The following NXPH1 variants were observed in gnomAD, a reference collection of about 807,000 sequenced individuals.
The protein encoded by NXPH1 is neurexophilin 1, also known as neurexophilin-1.
A neutral mutation model predicts 23.7 loss-of-function variants in NXPH1; 5 were observed. The observed-to-expected ratio is 0.21, with a 90% CI of 0.11 to 0.44. The LOEUF is 0.44. Among genes scored for constraint, NXPH1 ranks in the 20% least tolerant of loss-of-function variants. NXPH1 has a pLI of 0.99. For synonymous variants in NXPH1, 144 were observed against 122.2 expected, an observed-to-expected ratio of 1.18 and a Z score of -1.18; for missense variants, 324 against 321.6, an observed-to-expected ratio of 1.01 and a Z score of -0.06.
intron 2 of NXPH1, among the ~76,000 whole-genome samples, chr7:8,691,244 G>A (rs909099075): frequency 3.3e-5 from 5 of 152,072 alleles, no homozygotes; most frequent in African/African-American, 9.7e-5. Flanking sequence ...CACCTCCTGG[G>A]TTCAAGCAAT....
intron 2 of NXPH1, among the ~76,000 whole-genome samples, chr7:8,520,930 G>C (rs11971973): frequency 1.7e-3 from 258 of 152,258 alleles, no homozygotes; most frequent in African/African-American, 6.1e-3. Context: ...GCAGTTGATT[G>C]AGACAGCCAC....
intron 2 of NXPH1, among the ~76,000 whole-genome samples, chr7:8,436,064 G>C (rs1275611479): frequency 6.6e-6 from 1 of 152,142 alleles, no homozygotes; most frequent in Non-Finnish European, 1.5e-5. Flanking sequence ...TGTGATAGAG[G>C]GCCAACGAGA....
intron 2 of NXPH1, among the ~76,000 whole-genome samples, chr7:8,599,538 C>A (rs74359386): frequency 0.016 from 2,372 of 152,196 alleles, 32 homozygotes; most frequent in Non-Finnish European, 0.026. Flanking sequence ...CATTTCATGT[C>A]TTTCTGCATT....
intron 2 of NXPH1, among the ~76,000 whole-genome samples, chr7:8,516,147 C>A (rs908645417): frequency 1.3e-5 from 2 of 152,078 alleles, no homozygotes; most frequent in Non-Finnish European, 2.9e-5. Context: ...TTATCAAGAC[C>A]ATTTTTTGAT....
At chr7:8,437,479 C>T (rs961906690) in intron 2 of NXPH1, among the ~76,000 whole-genome samples, 1 of 152,200 alleles carries the variant, frequency 6.6e-6, no homozygotes, top group African/African-American at 2.4e-5. Context: ...TACGCCTGAC[C>T]TGAACTTGAG....
intron 2 of NXPH1, among the ~76,000 whole-genome samples, chr7:8,713,012 T>C (rs141194757): frequency 2.3e-3 from 348 of 152,150 alleles, no homozygotes; most frequent in African/African-American, 8.1e-3. Flanking sequence ...TTTACCCCCC[T>C]CTCTCTCTAC....
chr7:8,453,140 A>T (rs1274235616), intron 2 of NXPH1, among the ~76,000 whole-genome samples: 1 of 152,114 alleles, frequency 6.6e-6, no homozygotes. Flanking sequence ...TTTTTTACAG[A>T]AGTAGAAGGA....
At chr7:8,536,609 T>TA (rs5882170) in intron 2 of NXPH1, among the ~76,000 whole-genome samples, 73,635 of 151,414 alleles carry the variant, frequency 0.49, 18,324 homozygotes, top group East Asian at 0.59. Context: ...TTGGTAGACT[T>TA]AAAAAAAGGA....
intron 2 of NXPH1, among the ~76,000 whole-genome samples, chr7:8,481,139 T>G (rs1817066198): frequency 6.6e-6 from 1 of 152,184 alleles, no homozygotes; most frequent in Non-Finnish European, 1.5e-5. Context: ...GTCTCCCTTT[T>G]CAGTCAATAT....
At chr7:8,498,308 G>C (rs1052344908) in intron 2 of NXPH1, among the ~76,000 whole-genome samples, 1 of 152,030 alleles carries the variant, frequency 6.6e-6, no homozygotes, top group East Asian at 1.9e-4. Context: ...CAAATCAGAG[G>C]GGAAGATTGG....
chr7:8,440,462 T>C (rs1000872962), intron 2 of NXPH1, among the ~76,000 whole-genome samples: 7 of 152,210 alleles, frequency 4.6e-5, no homozygotes, highest in Non-Finnish European at 5.9e-5. Context: ...GCGAAGTTGA[T>C]TTCTATTTGG....
intron 2 of NXPH1, among the ~76,000 whole-genome samples, chr7:8,485,650 G>A (rs1293339072): frequency 6.6e-6 from 1 of 152,124 alleles, no homozygotes; most frequent in East Asian, 1.9e-4. Flanking sequence ...CTTAAGTGGA[G>A]GCGGGGAGGG....
intron 2 of NXPH1, among the ~76,000 whole-genome samples, chr7:8,611,097 TC>T (rs1177843788): frequency 6.6e-6 from 1 of 152,186 alleles, no homozygotes; most frequent in Non-Finnish European, 1.5e-5. Flanking sequence ...TCTCATTTTT[TC>T]CTTTTATTTC....
chr7:8,641,972 G>C (rs537467337), intron 2 of NXPH1, among the ~76,000 whole-genome samples: 1 of 152,160 alleles, frequency 6.6e-6, no homozygotes, highest in East Asian at 1.9e-4. Flanking sequence ...TTCCCCTTTG[G>C]AGACATTCCT....
chr7:8,606,705 C>G (rs751267548), intron 2 of NXPH1, among the ~76,000 whole-genome samples: 14 of 152,132 alleles, frequency 9.2e-5, no homozygotes, highest in Admixed American at 2.0e-4. Context: ...ATATTGTAAA[C>G]TTGACATATT....
At chr7:8,470,279 C>G (rs2128608200) in intron 2 of NXPH1, among the ~76,000 whole-genome samples, 1 of 152,220 alleles carries the variant, frequency 6.6e-6, no homozygotes, top group African/African-American at 2.4e-5. Flanking sequence ...ATGTGGATTT[C>G]TATCATTTGA....
intron 2 of NXPH1, among the ~76,000 whole-genome samples, chr7:8,577,887 G>A (rs117833947): frequency 9.6e-4 from 146 of 152,216 alleles, no homozygotes; most frequent in South Asian, 2.9e-3. Context: ...GCTACTTATC[G>A]TACCAAATTG....
intron 2 of NXPH1, among the ~76,000 whole-genome samples, chr7:8,490,758 A>G (rs1817236378): frequency 6.6e-6 from 1 of 152,110 alleles, no homozygotes; most frequent in Non-Finnish European, 1.5e-5. Flanking sequence ...GGAAGGAGAC[A>G]AAATATTTAA....
intron 2 of NXPH1, among the ~76,000 whole-genome samples, chr7:8,532,338 C>T (rs1373142294): frequency 1.3e-5 from 2 of 152,052 alleles, no homozygotes; most frequent in Non-Finnish European, 2.9e-5. Context: ...ATCAATCCCG[C>T]TCAAACAGAC....
Sources: gnomAD v4.1 joint callset for allele counts (sites outside exome capture counted in the v4.1 genomes callset) on GRCh38, gnomAD v4.1.1 for gene constraint, MANE v1.5 for transcripts, NCBI Gene and HGNC (gene_info 2026-07-23, HGNC 2026-07-21) for gene names.